Variants in ZNF727 observed in about 807,000 individuals in gnomAD.
ZNF727 encodes the protein putative zinc finger protein 727.
A neutral mutation model predicts 11.5 loss-of-function variants in ZNF727; 11 were observed. That is an observed-to-expected ratio of 0.95 (90% CI 0.60 to 1.58). The LOEUF (loss-of-function observed/expected upper bound fraction) is 1.58. Among genes scored for constraint, ZNF727 ranks in the 40% most tolerant of loss-of-function variants. ZNF727 has a pLI of 0.00. For missense variants in ZNF727, 533 were observed against 581.7 expected (o/e 0.92, Z 0.86); for synonymous variants, 171 against 196.1 (o/e 0.87, Z 1.07).
intron 1 of ZNF727, among the ~76,000 whole-genome samples, chr7:64,065,815 C>T (rs1789855393): frequency 6.6e-6 from 1 of 151,932 alleles, no homozygotes; most frequent in Non-Finnish European, 1.5e-5. Flanking sequence ...CCAGAGCCTT[C>T]TCTTTATTTT....
At position 64,078,546 on chromosome 7, in the gene ZNF727, G is replaced by GT; in HGVS notation, c.1498dup (p.Ter500LeufsTer79). The GT allele has an allele frequency of 6.4e-7, 1 of 1,556,868 alleles. No individual in the cohort carries two copies. Among genetic ancestry groups the GT allele is most frequent in the Non-Finnish European group, 8.7e-7 (1 of 1,150,676 alleles). On this transcript the variant is annotated frameshift_variant, in exon 4 of 4. Coordinates refer to ENST00000456806, the MANE Select transcript of ZNF727 (RefSeq NM_001159522.3). LOFTEE classifies it high-confidence loss of function. ...GTTCTCAGACCTTACTAAACATAAGGTAATTCATACTGGAGATAAACCTTA... is the reference window on the plus strand; with the variant it reads ...GTTCTCAGACCTTACTAAACATAAGGTTAATTCATACTGGAGATAAACCTTA...
chr7:64,052,982 T>G (rs1365580502), intron 1 of ZNF727, among the ~76,000 whole-genome samples: 1 of 152,210 alleles, frequency 6.6e-6, no homozygotes, highest in Non-Finnish European at 1.5e-5. Flanking sequence ...CTAACTTGCT[T>G]TTTGATTTTA....
Position 64,067,510 on chromosome 7 carries a change from G to A in ZNF727, c.4-1381G>A, listed in dbSNP as rs539307870. Reference sequence around the variant, plus strand: ...CCCAAATGCCCATCAGTGATAGACTGGATAAAGAAAATGTGGCACATAAAC... The same window carrying A: ...CCCAAATGCCCATCAGTGATAGACTAGATAAAGAAAATGTGGCACATAAAC... On this transcript the variant is annotated intron_variant, in intron 1 of 3. Coordinates refer to ENST00000456806, the MANE Select transcript of ZNF727 (RefSeq NM_001159522.3). 2.8e-3 allele frequency among the ~76,000 whole-genome samples: 432 copies of A among 152,230 alleles called. 3 individuals carry two copies. Among genetic ancestry groups the A allele is most frequent in the Non-Finnish European group, 3.5e-3 (235 of 68,020 alleles).
chr7:64,070,943 C>T (rs1475010215), intron 3 of ZNF727, among the ~76,000 whole-genome samples: 1 of 151,928 alleles, frequency 6.6e-6, no homozygotes, highest in Non-Finnish European at 1.5e-5. Flanking sequence ...TGTAGAATGT[C>T]AGGGTTTTAT....
At chr7:64,047,179 T>C (rs1384375515) in intron 1 of ZNF727, among the ~76,000 whole-genome samples, 1 of 152,322 alleles carries the variant, frequency 6.6e-6, no homozygotes, top group Non-Finnish European at 1.5e-5. Context: ...CCAAAACTTC[T>C]CCCAGCCTAA....
rs528561657 is a variant in ZNF727, at chr7:64,069,117, CCTG to C, written c.130+103_130+105del. On this transcript the variant is annotated intron_variant, in intron 2 of 3. Transcript: ENST00000456806. ...GCTTTGCATAAATGAGTTTCAGAAT[CCTG>C]CTTCAAAAAGAAAAAATTGGGTATC... 127 of 1,342,432 alleles carry C rather than the reference CCTG, an allele frequency of 9.5e-5. No individual in the cohort carries two copies. The African/African-American group carries it at 1.7e-3, about 18-fold the overall frequency. The allele number at this position is 1,342,432 out of a possible 1,614,324, so 83.2% of individuals were successfully genotyped here.
At chr7:64,074,503 T>A (rs1364949938) in intron 3 of ZNF727, among the ~76,000 whole-genome samples, 2 of 152,100 alleles carry the variant, frequency 1.3e-5, no homozygotes, top group Admixed American at 6.6e-5. Flanking sequence ...AAAAATCTGT[T>A]TGTGCCTTAT....
At position 64,084,463 on chromosome 7, in the gene ZNF727, G is replaced by A. The variant is rs113334676; in HGVS notation, c.*5914G>A. Among the ~76,000 whole-genome samples the A allele has an allele frequency of 0.027, 4,090 of 152,192 alleles. 196 individuals are homozygous for A. Among genetic ancestry groups the A allele is most frequent in the East Asian group, 0.18 (915 of 5,172 alleles). On this transcript the variant is annotated 3_prime_UTR_variant, in exon 4 of 4. Transcript: ENST00000456806. ...ACCCAAGGTTGTAGGTCAACAGATG[G>A]TAACAATATACTATTGTGTGACTGT...
rs757777569 is a variant in ZNF727, at chr7:64,077,927, T to G, written c.878T>G (p.Phe293Cys). The G allele has an allele frequency of 1.9e-6, 3 of 1,585,400 alleles. No individual in the cohort carries two copies. The African/African-American group carries it at 4.1e-5, about 21-fold the overall frequency. Reference protein sequence around the residue: ...PYKCKECHKAFRCCSDLTKHK... With the variant: ...PYKCKECHKACRCCSDLTKHK... Reference sequence around the variant, plus strand: ...AAATGTAAAGAATGTCACAAAGCCTTTAGGTGTTGCTCAGACCTTACTAAA... The same window carrying G: ...AAATGTAAAGAATGTCACAAAGCCTGTAGGTGTTGCTCAGACCTTACTAAA... Residue 293 changes from phenylalanine (F) to cysteine (C), a missense_variant, in exon 4 of 4, where the codon TTT (phenylalanine) becomes TGT (cysteine). Phe to Cys is a radical substitution (Grantham distance 205, BLOSUM62 -2). This residue lies in a region of ZNF727 where 463 missense variants were observed against 494.5 expected (regional missense o/e 0.94). Coordinates refer to ENST00000456806, the MANE Select transcript of ZNF727 (RefSeq NM_001159522.3).
chr7:64,050,052 T>C (rs537426058), intron 1 of ZNF727, among the ~76,000 whole-genome samples: 23 of 152,038 alleles, frequency 1.5e-4, no homozygotes, highest in African/African-American at 4.3e-4. Flanking sequence ...CAATAAACTT[T>C]CTACATATAT....
At position 64,083,841 on chromosome 7, in the gene ZNF727, T is replaced by C. The variant is rs1371891775; in HGVS notation, c.*5292T>C. Among the ~76,000 whole-genome samples, 1 of 152,226 alleles carries C rather than the reference T, an allele frequency of 6.6e-6. No individual in the cohort carries two copies. Among genetic ancestry groups the C allele is most frequent in the Non-Finnish European group, 1.5e-5 (1 of 68,042 alleles). On this transcript the variant is annotated 3_prime_UTR_variant, in exon 4 of 4. Coordinates refer to ENST00000456806, the MANE Select transcript of ZNF727 (RefSeq NM_001159522.3). ...ATTAGTTCCAATGCAAGTACCTGGA[T>C]GTTTCAGTTGAAGGTGCTGTATCTA...
rs1044882204 is a variant in ZNF727 at position 64,079,275 on chromosome 7, C to T, written c.*726C>T. 5.3e-5 allele frequency among the ~76,000 whole-genome samples: 8 copies of T among 152,104 alleles called. No individual in the cohort carries two copies. Among genetic ancestry groups the T allele is most frequent in the East Asian group, 1.9e-4 (1 of 5,198 alleles). ...AAATGTGGAAAAGCCTTTAACAATT[C>T]GTCATATTGTGTTCAACATCAGAGA... On this transcript the variant is annotated 3_prime_UTR_variant, in exon 4 of 4. Transcript: ENST00000456806.
chr7:64,079,627 T>A lies in ZNF727; in HGVS notation c.*1078T>A, dbSNP rs1390004235. Among the ~76,000 whole-genome samples the A allele has an allele frequency of 2.0e-5, 3 of 152,224 alleles. No individual in the cohort carries two copies. The highest frequency in any genetic ancestry group is 7.2e-5 in the African/African-American group (3 of 41,454). On this transcript the variant is annotated 3_prime_UTR_variant, in exon 4 of 4. Coordinates refer to ENST00000456806, the MANE Select transcript of ZNF727 (RefSeq NM_001159522.3). ...GATCTTGGTTCTTTATTTGCCACTCTGTTTTTTAATTTGGGCATTTAACCC... is the reference window on the plus strand; with the variant it reads ...GATCTTGGTTCTTTATTTGCCACTCAGTTTTTTAATTTGGGCATTTAACCC...
chr7:64,068,323 A>G (rs1789903922), intron 1 of ZNF727, among the ~76,000 whole-genome samples: 1 of 152,134 alleles, frequency 6.6e-6, no homozygotes, highest in African/African-American at 2.4e-5. Context: ...TCCTATGGAA[A>G]GTGAAGGCTC....
At chr7:64,066,898 A>G (rs1324703126) in intron 1 of ZNF727, among the ~76,000 whole-genome samples, 4 of 152,172 alleles carry the variant, frequency 2.6e-5, no homozygotes, top group African/African-American at 4.8e-5. Context: ...TTTGCAATCT[A>G]TCCATCTGAC....
At chr7:64,047,952 T>C (rs1789534274) in intron 1 of ZNF727, among the ~76,000 whole-genome samples, 2 of 152,200 alleles carry the variant, frequency 1.3e-5, no homozygotes, top group African/African-American at 4.8e-5. Flanking sequence ...AAAATACACA[T>C]CTGCCACACA....
chr7:64,068,790 A>G, intron 1 of ZNF727, 101 bp from the exon 2 acceptor site: 2 of 1,331,502 alleles, frequency 1.5e-6, no homozygotes, highest in Non-Finnish European at 1.0e-6. Context: ...AACTCCAGTA[A>G]CTCATATAAG....
intron 1 of ZNF727, among the ~76,000 whole-genome samples, chr7:64,067,806 A>G (rs1025404327): frequency 1.3e-5 from 2 of 152,118 alleles, no homozygotes; most frequent in African/African-American, 4.8e-5. Flanking sequence ...TAAAACCTCG[A>G]CGACAGGTTG....
At position 64,063,144 on chromosome 7, in the gene ZNF727, G is replaced by A. The variant is rs576187325; in HGVS notation, c.4-5747G>A. Among the ~76,000 whole-genome samples the A allele has an allele frequency of 5.9e-5, 9 of 152,070 alleles. No individual in the cohort carries two copies. The South Asian group carries it at 1.2e-3, about 21-fold the overall frequency. On this transcript the variant is annotated intron_variant, in intron 1 of 3. Coordinates refer to ENST00000456806, the MANE Select transcript of ZNF727 (RefSeq NM_001159522.3). The stretch of plus-strand genomic sequence containing the variant: ...GCCTTATTTAGTTTTATGAGGTTGC[G>A]TTTTCCTGAATAGTCTTAATTTTTG...
Sources: gnomAD v4.1 joint callset for allele counts (sites outside exome capture counted in the v4.1 genomes callset) on GRCh38, gnomAD v4.1.1 for gene constraint, gnomAD v4.1.1 regional missense constraint, MANE v1.5 for transcripts, NCBI Gene and HGNC (gene_info 2026-07-23, HGNC 2026-07-21) for gene names.